Variants in CUL2 observed in about 807,000 individuals in gnomAD.
The protein encoded by CUL2 is cullin-2.
CUL2 carries 22 observed loss-of-function variants against 110.2 expected under a neutral mutation model. The ratio of observed to expected loss-of-function variants is 0.20; its 90% confidence interval spans 0.14 to 0.28. The LOEUF is 0.28. Ranked by LOEUF, CUL2 falls within the 10% of genes least tolerant of loss-of-function variation. CUL2 has a pLI of 1.00. For missense variants in CUL2, 631 were observed against 905.5 expected (o/e 0.70, Z 3.89); for synonymous variants, 279 against 293.2 (o/e 0.95, Z 0.49).
At chr10:35,053,648 G>A (rs2134870673) in intron 5 of CUL2, among the ~76,000 whole-genome samples, 1 of 152,136 alleles carries the variant, frequency 6.6e-6, no homozygotes, top group Admixed American at 6.5e-5. Context: ...GGGATTACTT[G>A]GTCAAAAGGT....
intron 4 of CUL2, among the ~76,000 whole-genome samples, chr10:35,056,710 G>T (rs1177528366): frequency 6.6e-6 from 1 of 152,176 alleles, no homozygotes; most frequent in Non-Finnish European, 1.5e-5. Context: ...CAGGAGCGGT[G>T]CTCCCTCAGT....
Position 35,025,195 on chromosome 10 carries a change from C to G in CUL2, c.1621G>C (p.Glu541Gln). 1 of 1,497,226 alleles carries G rather than the reference C, an allele frequency of 6.7e-7. No homozygotes were observed. The highest frequency in any genetic ancestry group is 8.9e-7 in the Non-Finnish European group (1 of 1,123,204). 92.7% of individuals were successfully genotyped at this position (1,497,226 alleles called of 1,614,324 possible). The change falls in exon 17 of 21, where the codon GAA becomes CAA. Residue 541 changes from glutamate to glutamine, a missense_variant. Glu to Gln is a conservative substitution (Grantham distance 29). Coordinates refer to ENST00000374749, the MANE Select transcript of CUL2 (RefSeq NM_003591.4). ...CTGAAATGTTGGCTATAAAATAATT[C>G]AAACTGTAAAAAAAAAAAAAAAACA... ...QELEKSVQMF[E>Q]LFYSQHFSGR...
intron 4 of CUL2, among the ~76,000 whole-genome samples, chr10:35,059,321 T>G (rs2086324005): frequency 1.3e-5 from 2 of 152,196 alleles, no homozygotes; most frequent in Non-Finnish European, 2.9e-5. Context: ...ACTTCATTGT[T>G]GTCTTATTTT....
At chr10:35,080,703 C>G (rs1353670225) in intron 1 of CUL2, among the ~76,000 whole-genome samples, 4 of 152,052 alleles carry the variant, frequency 2.6e-5, no homozygotes. Context: ...CTTCCACCAG[C>G]CTTGGCCTCC....
At chr10:35,123,740 T>C (rs1205728782) in intron 1 of CUL2, among the ~76,000 whole-genome samples, 1 of 152,080 alleles carries the variant, frequency 6.6e-6, no homozygotes, top group Non-Finnish European at 1.5e-5. Context: ...AGACAAGACA[T>C]GTAGTTTTGA....
intron 1 of CUL2, among the ~76,000 whole-genome samples, chr10:35,122,839 T>C (rs2087694100): frequency 1.3e-5 from 2 of 152,188 alleles, no homozygotes; most frequent in African/African-American, 4.8e-5. Flanking sequence ...GGTTTTGCCA[T>C]ATTAGCCAGG....
At chr10:35,017,191 C>A in intron 17 of CUL2, among the ~76,000 whole-genome samples, 1 of 151,982 alleles carries the variant, frequency 6.6e-6, no homozygotes, top group East Asian at 1.9e-4. Flanking sequence ...GTAATTTCTG[C>A]CAAAATTAAT....
chr10:35,124,570 A>G (rs1360311922), intron 1 of CUL2, among the ~76,000 whole-genome samples: 3 of 152,188 alleles, frequency 2.0e-5, no homozygotes, highest in African/African-American at 7.2e-5. Flanking sequence ...CAAGGGATGG[A>G]ACAGTAAGCA....
chr10:35,032,328 A>G (rs1314745723), intron 12 of CUL2, 107 bp downstream of exon 12: 3 of 943,920 alleles, frequency 3.2e-6, no homozygotes, highest in Non-Finnish European at 4.9e-6. Flanking sequence ...TTTTCCTTCT[A>G]TTTTTCTGAA....
intron 17 of CUL2, among the ~76,000 whole-genome samples, chr10:35,017,210 G>T (rs544258606): frequency 1.3e-5 from 2 of 152,172 alleles, no homozygotes; most frequent in South Asian, 4.1e-4. Flanking sequence ...ATGCTATTAT[G>T]TCTCATAAAC....
chr10:35,050,881 C>G (rs549674336), intron 5 of CUL2, among the ~76,000 whole-genome samples: 2 of 152,362 alleles, frequency 1.3e-5, no homozygotes, highest in East Asian at 3.9e-4. Context: ...AGTGCTCATG[C>G]AGCTTTACTA....
intron 1 of CUL2, among the ~76,000 whole-genome samples, chr10:35,080,433 TTTTATTTATTTATTTA>T (rs139166454): frequency 0.031 from 4,380 of 140,666 alleles, 222 homozygotes; most frequent in African/African-American, 0.11. Context: ...GAATTCCTAT[TTTTATTTATTTATTTA>T]TTTATTTATT....
At chr10:35,024,345 G>T (rs1242157707) in intron 17 of CUL2, among the ~76,000 whole-genome samples, 1 of 152,070 alleles carries the variant, frequency 6.6e-6, no homozygotes, top group Non-Finnish European at 1.5e-5. Context: ...TAGTTACTTG[G>T]ATAAAGTAAC....
chr10:35,099,783 T>C (rs927925289), intron 2 of CUL2, among the ~76,000 whole-genome samples: 11 of 152,064 alleles, frequency 7.2e-5, no homozygotes, highest in African/African-American at 2.4e-4. Context: ...TACTTAGATA[T>C]GGATGGCAAG....
chr10:35,013,344 C>CA (rs71523352), intron 19 of CUL2, among the ~76,000 whole-genome samples: 1,475 of 83,578 alleles, frequency 0.018, 13 homozygotes, highest in African/African-American at 0.042. Context: ...GACTCCGTCT[C>CA]AAAAAAAAAA....
chr10:35,047,890 G>A (rs2085989127), intron 6 of CUL2, among the ~76,000 whole-genome samples: 2 of 151,776 alleles, frequency 1.3e-5, no homozygotes, highest in South Asian at 2.1e-4. Flanking sequence ...AGTAGACAGA[G>A]TGGGAATCCT....
rs541789858 is a variant in CUL2 at position 35,036,465 on chromosome 10, A to AT, written c.878-1170dup. ...GGGGAGGTAAAGCTGGGGGGTGGTTATATGTTTAGGAGAACTGCTGGATCA... is the reference window on the plus strand; with the variant it reads ...GGGGAGGTAAAGCTGGGGGGTGGTTATTATGTTTAGGAGAACTGCTGGATCA... On this transcript the variant is annotated intron_variant, in intron 9 of 20. Transcript: ENST00000374749. Among the ~76,000 whole-genome samples, 735 of 152,106 alleles carry AT rather than the reference A, an allele frequency of 4.8e-3. 49 individuals carry two copies. In the South Asian group the frequency reaches 0.13, roughly 28 times the overall value.
intron 14 of CUL2, among the ~76,000 whole-genome samples, chr10:35,030,093 T>G (rs973814262): frequency 1.1e-4 from 16 of 152,200 alleles, no homozygotes; most frequent in African/African-American, 3.1e-4. Context: ...GCTCAAGTGA[T>G]CCTCCTATCT....
chr10:35,035,672 G>C (rs569680222), intron 9 of CUL2, among the ~76,000 whole-genome samples: 1 of 152,256 alleles, frequency 6.6e-6, no homozygotes, highest in African/African-American at 2.4e-5. Flanking sequence ...TCCATTATGT[G>C]GATATAATTT....
Sources: allele counts gnomAD v4.1 joint callset (sites outside exome capture counted in the v4.1 genomes callset), GRCh38; gene constraint gnomAD v4.1.1; transcripts MANE v1.5; gene names NCBI Gene and HGNC (gene_info 2026-07-23, HGNC 2026-07-21).